The following NUFIP1 variants were observed in gnomAD, a reference collection of about 807,000 sequenced individuals.
The protein encoded by NUFIP1 is FMR1-interacting protein NUFIP1.
NUFIP1 carries 38 observed loss-of-function variants against 56.2 expected under a neutral mutation model. The ratio of observed to expected loss-of-function variants is 0.68; its 90% CI spans 0.52 to 0.89. NUFIP1 has a LOEUF of 0.89. Among genes scored for constraint, NUFIP1 ranks in the 40% least tolerant of loss-of-function variants. The pLI is 0.00. For synonymous variants in NUFIP1, 215 were observed against 212.4 expected (o/e 1.01, Z -0.10); for missense variants, 567 against 605.8 (o/e 0.94, Z 0.67).
At chr13:44,984,776 G>C (rs1300407767) in intron 1 of NUFIP1, among the ~76,000 whole-genome samples, 1 of 152,110 alleles carries the variant, frequency 6.6e-6, no homozygotes, top group African/African-American at 2.4e-5. Flanking sequence ...AGTTACATAT[G>C]TATACATGTG....
chr13:44,975,071 A>T (rs767881086), intron 5 of NUFIP1, among the ~76,000 whole-genome samples: 10 of 152,008 alleles, frequency 6.6e-5, no homozygotes, highest in Non-Finnish European at 1.3e-4. Context: ...TTTCCCCTCC[A>T]CTGGCTTCCA....
chr13:44,981,142 A>C (rs1872174018), intron 2 of NUFIP1, among the ~76,000 whole-genome samples: 1 of 152,244 alleles, frequency 6.6e-6, no homozygotes, highest in South Asian at 2.1e-4. Flanking sequence ...TCTGAAAATA[A>C]ATAGAATAAA....
rs1299224586 is a variant in NUFIP1, at chr13:44,989,034, T to C, written c.403A>G (p.Asn135Asp). 3 of 1,613,788 alleles carry C rather than the reference T, an allele frequency of 1.9e-6. No individual in the cohort carries two copies. Among genetic ancestry groups the C allele is most frequent in the Non-Finnish European group, 2.5e-6 (3 of 1,179,988 alleles). ...DRFPRHQKSF[N>D]PAVKNSYYPR... ...TGGAAAAATAGCCTACCTGCAGGGT[T>C]GAAGGACTTCTGATGCCGAGGAAAC... is the stretch of plus-strand genomic sequence containing the variant. Residue 135 changes from asparagine (N) to aspartate (D), a missense_variant, in exon 1 of 10, where the codon AAC becomes GAC. Transcript: ENST00000379161.
chr13:44,989,374 A>G lies in NUFIP1; in HGVS notation c.63T>C (p.Thr21=), dbSNP rs1566067854. The change falls in exon 1 of 10, where the codon ACT becomes ACC. Residue 21 remains threonine, a synonymous_variant. Transcript: ENST00000379161. ...TGTCGCTCAGGGGCCCTAACGTGGGAGTCAGCTCGGGAGACGCATGCCACC... is the reference window on the plus strand; with the variant it reads ...TGTCGCTCAGGGGCCCTAACGTGGGGGTCAGCTCGGGAGACGCATGCCACC... The part of the protein sequence containing the change: ...PIGWHASPEL[T]PTLGPLSDTA... 8 of 1,613,480 alleles carry G rather than the reference A, an allele frequency of 5.0e-6. No homozygotes were observed. Among genetic ancestry groups the G allele is most frequent in the Non-Finnish European group, 6.8e-6 (8 of 1,179,890 alleles).
rs1368248661 is a variant in NUFIP1, at chr13:44,989,294, G to T, written c.143C>A (p.Pro48Gln). The T allele has an allele frequency of 6.2e-7, 1 of 1,613,370 alleles. No individual in the cohort carries two copies. ...TGCGGGAAGCGAGGACGTAAGTGGT[G>T]GTGGCGGTGGCGGCAGCATTGCCCA... ...MFWAMLPPPP[P>Q]PLTSSLPAAG... The change falls in exon 1 of 10, where the codon CCA becomes CAA. Residue 48 changes from proline to glutamine, a missense_variant. Physicochemically the swap from Pro to Gln is moderately conservative, Grantham distance 76. Coordinates refer to ENST00000379161, the MANE Select transcript of NUFIP1 (RefSeq NM_012345.3).
chr13:44,988,988 A>C (rs927108510), intron 1 of NUFIP1, 37 bp downstream of exon 1: 2 of 1,603,712 alleles, frequency 1.2e-6, no homozygotes, highest in Non-Finnish European at 1.7e-6. Context: ...CGGGGGAAAA[A>C]GGTAAAGGGG....
At chr13:44,976,418 A>AGAAGAG (rs1449576409) in intron 5 of NUFIP1, among the ~76,000 whole-genome samples, 1 of 151,718 alleles carries the variant, frequency 6.6e-6, no homozygotes, top group Non-Finnish European at 1.5e-5. Flanking sequence ...GAGGAAGAAG[A>AGAAGAG]GAAGAGGAGG....
At chr13:44,952,142 G>GT (rs907419308) in intron 7 of NUFIP1, among the ~76,000 whole-genome samples, 1 of 151,994 alleles carries the variant, frequency 6.6e-6, no homozygotes, top group African/African-American at 2.4e-5. Flanking sequence ...TGATAATTCT[G>GT]TTTTTTTGTT....
chr13:44,968,244 A>G (rs1464104222), intron 5 of NUFIP1, among the ~76,000 whole-genome samples: 1 of 152,194 alleles, frequency 6.6e-6, no homozygotes, highest in Non-Finnish European at 1.5e-5. Context: ...TCAGCAATAC[A>G]TGACTACATT....
intron 1 of NUFIP1, among the ~76,000 whole-genome samples, chr13:44,983,457 G>A (rs998237586): frequency 1.1e-4 from 16 of 151,734 alleles, no homozygotes; most frequent in African/African-American, 3.4e-4. Context: ...GATTACAGGC[G>A]TGAGCCACCG....
At chr13:44,953,530 T>C (rs1166221877) in intron 7 of NUFIP1, among the ~76,000 whole-genome samples, 1 of 152,170 alleles carries the variant, frequency 6.6e-6, no homozygotes, top group Non-Finnish European at 1.5e-5. Context: ...GACTCATGGG[T>C]ATTTATTCTA....
intron 7 of NUFIP1, among the ~76,000 whole-genome samples, chr13:44,958,202 T>G (rs1871308675): frequency 6.6e-6 from 1 of 152,226 alleles, no homozygotes; most frequent in Middle Eastern, 3.2e-3. Flanking sequence ...GTTCAAATTC[T>G]CATTCTGCCA....
intron 8 of NUFIP1, among the ~76,000 whole-genome samples, chr13:44,944,012 T>C (rs9534009): frequency 0.59 from 89,177 of 152,056 alleles, 31,316 homozygotes; most frequent in Non-Finnish European, 0.78. Flanking sequence ...AAGACTTTTT[T>C]TCCTCATTGG....
chr13:44,989,191 G>A lies in NUFIP1; in HGVS notation c.246C>T (p.Asp82=). ...GTTGCGCCCCGGGAAGAATCTGGGC[G>A]TCGAAGGGGGGCGGAGCCCCGGGGA... ...QSLPGAPPPF[D]AQILPGAQPP... Residue 82 remains aspartate, a synonymous_variant, in exon 1 of 10, where the codon GAC becomes GAT. Transcript: ENST00000379161. The A allele has an allele frequency of 1.2e-6, 2 of 1,611,922 alleles. No homozygotes were observed. Among genetic ancestry groups the A allele is most frequent in the South Asian group, 2.2e-5 (2 of 90,854 alleles).
intron 6 of NUFIP1, among the ~76,000 whole-genome samples, chr13:44,961,320 T>C (rs1178956021): frequency 1.3e-5 from 2 of 152,148 alleles, no homozygotes; most frequent in Admixed American, 6.5e-5. Context: ...ACTTTGTCAG[T>C]TATGGGCTGT....
intron 8 of NUFIP1, among the ~76,000 whole-genome samples, chr13:44,944,440 T>A (rs1289426242): frequency 1.3e-5 from 2 of 152,156 alleles, no homozygotes; most frequent in Non-Finnish European, 2.9e-5. Context: ...ATTTTCAATA[T>A]GCATTGCAGC....
At chr13:44,964,115 C>T (rs1203653896) in intron 6 of NUFIP1, among the ~76,000 whole-genome samples, 1 of 152,100 alleles carries the variant, frequency 6.6e-6, no homozygotes, top group Non-Finnish European at 1.5e-5. Flanking sequence ...ATACCAGAAA[C>T]ACAAAGCAAT....
intron 8 of NUFIP1, among the ~76,000 whole-genome samples, chr13:44,948,811 G>T (rs372566657): frequency 6.6e-6 from 1 of 152,126 alleles, no homozygotes; most frequent in Non-Finnish European, 1.5e-5. Context: ...GTTACCATCC[G>T]TAACATCATC....
Position 44,939,634 on chromosome 13 carries a change from G to A in NUFIP1, c.*1572C>T, listed in dbSNP as rs1017087521. The stretch of plus-strand genomic sequence containing the variant: ...TCCTTAGAAATTTTAAATACACTTG[G>A]AATCTGAAATACCCATTAAAAATAA... On this transcript the variant is annotated 3_prime_UTR_variant, in exon 10 of 10. Coordinates refer to ENST00000379161, the MANE Select transcript of NUFIP1 (RefSeq NM_012345.3). 1 of 152,002 alleles carries A rather than the reference G, an allele frequency of 6.6e-6. No individual in the cohort carries two copies. Among genetic ancestry groups the A allele is most frequent in the African/African-American group, 2.4e-5 (1 of 41,384 alleles). The allele number at this position is 152,002 out of a possible 1,614,324, so 9.4% of individuals were successfully genotyped here.
Sources: allele counts gnomAD v4.1 joint callset (sites outside exome capture counted in the v4.1 genomes callset), GRCh38; gene constraint gnomAD v4.1.1; transcripts MANE v1.5; gene names NCBI Gene and HGNC (gene_info 2026-07-23, HGNC 2026-07-21).